The following OR52K1 variants were observed in gnomAD, a reference collection of about 807,000 sequenced individuals.
OR52K1 encodes olfactory receptor family 52 subfamily K member 1.
Under a neutral mutation model 8.7 loss-of-function variants are expected in OR52K1, and 10 were observed. The ratio of observed to expected loss-of-function variants is 1.15; its 90% CI spans 0.71 to 1.95. The LOEUF (loss-of-function observed/expected upper bound fraction) is 1.95. Among genes scored for constraint, OR52K1 ranks in the 30% most tolerant of loss-of-function variants. OR52K1 has a pLI of 0.00. For missense variants in OR52K1, 431 were observed against 397.2 expected (o/e 1.08, Z -0.72); for synonymous variants, 203 against 148.5 (o/e 1.37, Z -2.67).
At chr11:4,488,260 A>G (rs994511755) in intron 1 of OR52K1, among the ~76,000 whole-genome samples, 1 of 152,276 alleles carries the variant, frequency 6.6e-6, no homozygotes, top group East Asian at 1.9e-4. Context: ...CACTAGTCAC[A>G]TGTGGCTATT....
Position 4,489,024 on chromosome 11 carries a change from C to G in OR52K1, c.124C>G (p.Leu42Val). 6.2e-7 allele frequency: 1 copy of G among 1,614,142 alleles called. No homozygotes were observed. The highest frequency in any genetic ancestry group is 1.3e-5 in the African/African-American group (1 of 75,044). The change falls in exon 2 of 2, where the codon CTA becomes GTA. Residue 42 changes from leucine to valine, a missense_variant. Coordinates refer to ENST00000641528, the MANE Select transcript of OR52K1 (RefSeq NM_001005171.3). ...CTGCTTTGCTTATACTCTGGCCCTG[C>G]TAGGCAACTGTACCCTTCTCTTCAT... ...PFCFAYTLAL[L>V]GNCTLLFIIQ...
chr11:4,489,991 G>C lies in OR52K1; in HGVS notation c.*146G>C. On this transcript the variant is annotated 3_prime_UTR_variant, in exon 2 of 2. Transcript: ENST00000641528. ...GGAAAATGAGGTTTCATTCCTCACA[G>C]ATCTACGAGTCAGGTCAAACCAGGA... 1.5e-6 allele frequency: 1 copy of C among 653,294 alleles called. No homozygotes were observed. The highest frequency in any genetic ancestry group is 2.6e-6 in the Non-Finnish European group (1 of 382,094). 40.5% of individuals were successfully genotyped at this position (653,294 alleles called of 1,614,324 possible).
In OR52K1 at chr11:4,489,270, C is replaced by T. The variant is rs200982565; in HGVS notation, c.370C>T (p.Arg124Cys). 512 of 1,614,156 alleles carry T rather than the reference C, an allele frequency of 3.2e-4. No homozygotes were observed. In the Middle Eastern group the frequency reaches 3.5e-3, roughly 11 times the overall value. The change falls in exon 2 of 2, where the codon CGC becomes TGC. Residue 124 changes from arginine (R) to cysteine (C), a missense_variant. Coordinates refer to ENST00000641528, the MANE Select transcript of OR52K1 (RefSeq NM_001005171.3). ...AGTGCTGCTGGCCATGGCCTTTGAC[C>T]GCTATGTGGCCATCTGCAAGCCATT... is the stretch of plus-strand genomic sequence containing the variant. ...SAVLLAMAFDRYVAICKPLHY... is the reference protein window; with the variant it reads ...SAVLLAMAFDCYVAICKPLHY...
At position 4,489,110 on chromosome 11, in the gene OR52K1, CA is replaced by C; in HGVS notation, c.211del (p.Ile71LeufsTer68). 6.2e-7 allele frequency: 1 copy of C among 1,614,220 alleles called. No homozygotes were observed. On this transcript the variant is annotated frameshift_variant, in exon 2 of 2. Coordinates refer to ENST00000641528, the MANE Select transcript of OR52K1 (RefSeq NM_001005171.3). LOFTEE classifies it high-confidence loss of function. ...ACCTCTTTCTGGCCATGTTGGCAACCATTGACTTGGTTCTTTCTTCTACAAC... is the reference window on the plus strand; with the variant it reads ...ACCTCTTTCTGGCCATGTTGGCAACCTTGACTTGGTTCTTTCTTCTACAAC... ...MYLFLAMLAT[I>X]DLVLSSTTLP...
rs750181695 is a variant in OR52K1 at position 4,488,874 on chromosome 11, A to G, written c.-27A>G. ...TATAGAAGGTGAAGAAGCCCTGTAA[A>G]AATTGACAAGGAGATTTCCAGGAGC... On this transcript the variant is annotated 5_prime_UTR_variant, in exon 2 of 2. Transcript: ENST00000641528. 59 of 1,558,410 alleles carry G rather than the reference A, an allele frequency of 3.8e-5. No individual in the cohort carries two copies. Among genetic ancestry groups the G allele is most frequent in the Non-Finnish European group, 5.0e-5 (57 of 1,135,738 alleles).
chr11:4,488,451 A>C (rs770542870), intron 1 of OR52K1, 122 bp from the exon 2 acceptor site: 63 of 164,650 alleles, frequency 3.8e-4, no homozygotes, highest in Middle Eastern at 6.5e-3. Context: ...GACTCAACTC[A>C]GATTTCAGGA....
rs1846293624 is a variant in OR52K1, at chr11:4,483,059, C to G, written c.-446C>G. 2.5e-6 allele frequency: 1 copy of G among 398,222 alleles called. No homozygotes were observed. The highest frequency in any genetic ancestry group is 4.4e-6 in the Non-Finnish European group (1 of 225,900). The allele number at this position is 398,222 out of a possible 1,614,324, so 24.7% of individuals were successfully genotyped here. On this transcript the variant is annotated 5_prime_UTR_variant, in exon 1 of 2. Transcript: ENST00000641528. ...TTATTCCAGTTTGGATCTGTCACTTCTCACCTCCTGTCATTGCTTTTTCTA... is the reference window on the plus strand; with the variant it reads ...TTATTCCAGTTTGGATCTGTCACTTGTCACCTCCTGTCATTGCTTTTTCTA...
intron 1 of OR52K1, among the ~76,000 whole-genome samples, chr11:4,484,388 A>G (rs1170392001): frequency 6.6e-6 from 1 of 152,188 alleles, no homozygotes; most frequent in Non-Finnish European, 1.5e-5. Context: ...ACTATGTAGG[A>G]TGATCCAGTG....
rs1332800230 is a variant in OR52K1 at position 4,491,624 on chromosome 11, C to G, written c.*1779C>G. ...GCCGTCAAAAAGAATAAGATCATGTCCTTTGCAGGAACATGGATGGAGCTA... is the reference window on the plus strand; with the variant it reads ...GCCGTCAAAAAGAATAAGATCATGTGCTTTGCAGGAACATGGATGGAGCTA... On this transcript the variant is annotated 3_prime_UTR_variant, in exon 2 of 2. Coordinates refer to ENST00000641528, the MANE Select transcript of OR52K1 (RefSeq NM_001005171.3). 1 of 152,090 alleles carries G rather than the reference C, an allele frequency of 6.6e-6. No individual in the cohort carries two copies. The highest frequency in any genetic ancestry group is 1.5e-5 in the Non-Finnish European group (1 of 68,022). 9.4% of individuals were successfully genotyped at this position (152,090 alleles called of 1,614,324 possible).
In OR52K1 at chr11:4,488,868, C is replaced by T; in HGVS notation, c.-33C>T. 6.7e-7 allele frequency: 1 copy of T among 1,488,692 alleles called. No homozygotes were observed. The highest frequency in any genetic ancestry group is 9.3e-7 in the Non-Finnish European group (1 of 1,073,756). 92.2% of individuals were successfully genotyped at this position (1,488,692 alleles called of 1,614,324 possible). ...GGTATATATAGAAGGTGAAGAAGCC[C>T]TGTAAAAATTGACAAGGAGATTTCC... On this transcript the variant is annotated 5_prime_UTR_variant, in exon 2 of 2. Coordinates refer to ENST00000641528, the MANE Select transcript of OR52K1 (RefSeq NM_001005171.3).
chr11:4,482,905 G>T lies in OR52K1; in HGVS notation c.-600G>T, dbSNP rs1846291170. ...TTCTACTCTGGTCCTTCAATAGAGG[G>T]AACAGAAGTCTCGATAGTCCCACCC... On this transcript the variant is annotated 5_prime_UTR_variant, in exon 1 of 2. Coordinates refer to ENST00000641528, the MANE Select transcript of OR52K1 (RefSeq NM_001005171.3). 2.7e-6 allele frequency: 1 copy of T among 376,828 alleles called. No individual in the cohort carries two copies. Among genetic ancestry groups the T allele is most frequent in the African/African-American group, 2.1e-5 (1 of 48,122 alleles). The allele number at this position is 376,828 out of a possible 1,614,324, so 23.3% of individuals were successfully genotyped here.
Position 4,483,088 on chromosome 11 carries a change from C to T in OR52K1, c.-417C>T. 3 of 398,464 alleles carry T rather than the reference C, an allele frequency of 7.5e-6. No homozygotes were observed. The highest frequency in any genetic ancestry group is 1.3e-5 in the Non-Finnish European group (3 of 225,968). 24.7% of individuals were successfully genotyped at this position (398,464 alleles called of 1,614,324 possible). A position where few individuals can be genotyped will look rare whatever the true frequency, so the allele number is the denominator to read the frequency against. On this transcript the variant is annotated 5_prime_UTR_variant, in exon 1 of 2. Transcript: ENST00000641528. ...CCTCCTGTCATTGCTTTTTCTAACC[C>T]CTGGCAAATGCCCCATCCCAGTTAA...
intron 1 of OR52K1, among the ~76,000 whole-genome samples, chr11:4,488,331 A>C (rs749553970): frequency 2.6e-5 from 4 of 152,254 alleles, no homozygotes; most frequent in Non-Finnish European, 5.9e-5. Context: ...TTAGGTTTAC[A>C]TAGTGACATG....
rs1423577532 is a variant in OR52K1 at position 4,490,942 on chromosome 11, G to A, written c.*1097G>A. ...CTACAATATTGGGTTTGTAGCCTAG[G>A]AGCAACAGGCTATACCATATAGCTT... On this transcript the variant is annotated 3_prime_UTR_variant, in exon 2 of 2. Coordinates refer to ENST00000641528, the MANE Select transcript of OR52K1 (RefSeq NM_001005171.3). 2 of 152,108 alleles carry A rather than the reference G, an allele frequency of 1.3e-5. No homozygotes were observed. The highest frequency in any genetic ancestry group is 4.8e-5 in the African/African-American group (2 of 41,418). The allele number at this position is 152,108 out of a possible 1,614,324, so 9.4% of individuals were successfully genotyped here.
rs1490576528 is a variant in OR52K1 at position 4,489,715 on chromosome 11, C to T, written c.815C>T (p.Pro272Leu). ...VMHRVARHAA[P>L]RVHILLAIFY... ...CACCGTGTAGCCCGCCATGCTGCCCCTCGTGTCCACATACTCCTTGCTATT... is the reference window on the plus strand; with the variant it reads ...CACCGTGTAGCCCGCCATGCTGCCCTTCGTGTCCACATACTCCTTGCTATT... Residue 272 changes from proline to leucine, a missense_variant, in exon 2 of 2, where the codon CCT becomes CTT. Transcript: ENST00000641528. 1 of 1,614,226 alleles carries T rather than the reference C, an allele frequency of 6.2e-7. No homozygotes were observed. The highest frequency in any genetic ancestry group is 1.7e-5 in the Admixed American group (1 of 60,020).
At position 4,489,149 on chromosome 11, in the gene OR52K1, G is replaced by T; in HGVS notation, c.249G>T (p.Met83Ile). 1.2e-6 allele frequency: 2 copies of T among 1,614,186 alleles called. No individual in the cohort carries two copies. The highest frequency in any genetic ancestry group is 1.7e-6 in the Non-Finnish European group (2 of 1,180,040). ...LVLSSTTLPK[M>I]LAIFWFRDQE... Reference sequence around the variant, plus strand: ...TTTCTTCTACAACGCTGCCCAAAATGCTTGCCATATTCTGGTTCAGGGATC... The same window carrying T: ...TTTCTTCTACAACGCTGCCCAAAATTCTTGCCATATTCTGGTTCAGGGATC... The change falls in exon 2 of 2, where the codon ATG becomes ATT. Residue 83 changes from methionine (M) to isoleucine (I), a missense_variant. By Grantham distance (10) the Met-to-Ile change is conservative. Transcript: ENST00000641528.
At chr11:4,487,941 T>C (rs1846333627) in intron 1 of OR52K1, among the ~76,000 whole-genome samples, 1 of 152,084 alleles carries the variant, frequency 6.6e-6, no homozygotes, top group South Asian at 2.1e-4. Flanking sequence ...CAGAACAAGA[T>C]AAAAAGGTGA....
Position 4,493,149 on chromosome 11 carries a change from T to A in OR52K1, c.*3304T>A, listed in dbSNP as rs1250047826. On this transcript the variant is annotated 3_prime_UTR_variant, in exon 2 of 2. Transcript: ENST00000641528. Reference sequence around the variant, plus strand: ...GGAAGGCAGAGCCAGGTGTACAGGGTGGAACGTGAAAGTGAAACAGGAGCG... The same window carrying A: ...GGAAGGCAGAGCCAGGTGTACAGGGAGGAACGTGAAAGTGAAACAGGAGCG... 1.3e-5 allele frequency: 2 copies of A among 152,250 alleles called. No individual in the cohort carries two copies. The highest frequency in any genetic ancestry group is 2.4e-5 in the African/African-American group (1 of 41,422). The allele number at this position is 152,250 out of a possible 1,614,324, so 9.4% of individuals were successfully genotyped here.
In OR52K1 at chr11:4,482,914, T is replaced by C; in HGVS notation, c.-591T>C. ...GGTCCTTCAATAGAGGGAACAGAAG[T>C]CTCGATAGTCCCACCCAACTGTTTG... On this transcript the variant is annotated 5_prime_UTR_variant, in exon 1 of 2. Transcript: ENST00000641528. The C allele has an allele frequency of 2.6e-6, 1 of 381,320 alleles. No homozygotes were observed. The highest frequency in any genetic ancestry group is 4.6e-6 in the Non-Finnish European group (1 of 215,686). 23.6% of individuals were successfully genotyped at this position (381,320 alleles called of 1,614,324 possible). A position where few individuals can be genotyped will look rare whatever the true frequency, so the allele number is the denominator to read the frequency against.
Sources: allele counts gnomAD v4.1 joint callset (sites outside exome capture counted in the v4.1 genomes callset), GRCh38; gene constraint gnomAD v4.1.1; transcripts MANE v1.5; gene names NCBI Gene and HGNC (gene_info 2026-07-23, HGNC 2026-07-21).